The following NLRP1 variants were observed in gnomAD, a reference collection of about 807,000 sequenced individuals.
NLRP1 encodes the protein NLR family pyrin domain containing 1.
Under a neutral mutation model 136.7 loss-of-function variants are expected in NLRP1, and 94 were observed. The observed-to-expected ratio is 0.69, with a 90% CI of 0.58 to 0.82. The LOEUF (loss-of-function observed/expected upper bound fraction) is 0.82. Among genes scored for constraint, NLRP1 ranks in the 40% least tolerant of loss-of-function variants. NLRP1 has a pLI of 0.00. For synonymous variants in NLRP1, 690 were observed against 725.1 expected (o/e 0.95, Z 0.78); for missense variants, 1,575 against 1,802.7 (o/e 0.87, Z 2.29).
At position 5,515,456 on chromosome 17, in the gene NLRP1, T is replaced by C. The variant is rs370771861; in HGVS notation, c.4102+17A>G. The C allele has an allele frequency of 3.0e-5, 49 of 1,606,910 alleles. No individual in the cohort carries two copies. Among genetic ancestry groups the C allele is most frequent in the Non-Finnish European group, 4.0e-5 (47 of 1,173,626 alleles). On this transcript the variant is annotated intron_variant, in intron 16 of 16. Transcript: ENST00000572272. The stretch of plus-strand genomic sequence containing the variant: ...AACTGCCACCGCCTCCTGTGGTCTC[T>C]GAGAGCTGTTACTGACCTATGCGGG...
Position 5,584,008 on chromosome 17 carries a change from G to C in NLRP1, c.-51C>G. 6.4e-7 allele frequency: 1 copy of C among 1,563,878 alleles called. No individual in the cohort carries two copies. Among genetic ancestry groups the C allele is most frequent in the Non-Finnish European group, 8.7e-7 (1 of 1,150,316 alleles). ...CTGGGGGATGTTCCCAGGTGGTGAG[G>C]GTATCAGGCAGGCAGAGAACAGTGC... On this transcript the variant is annotated 5_prime_UTR_variant, in exon 1 of 17. Transcript: ENST00000572272.
chr17:5,579,471 A>G (rs1905351970), intron 3 of NLRP1, among the ~76,000 whole-genome samples: 1 of 152,196 alleles, frequency 6.6e-6, no homozygotes, highest in Middle Eastern at 3.2e-3. Context: ...GAGAAACAGG[A>G]ACACTTATAC....
At chr17:5,550,580 T>TA (rs1206459523) in intron 5 of NLRP1, among the ~76,000 whole-genome samples, 1 of 152,186 alleles carries the variant, frequency 6.6e-6, no homozygotes, top group African/African-American at 2.4e-5. Context: ...TGAATCTTCT[T>TA]ACATTTTAGT....
Position 5,517,733 on chromosome 17 carries a change from G to T in NLRP1, c.4057+13C>A. 3 of 1,613,962 alleles carry T rather than the reference G, an allele frequency of 1.9e-6. No individual in the cohort carries two copies. The South Asian group carries it at 3.3e-5, about 18-fold the overall frequency. On this transcript the variant is annotated intron_variant, in intron 15 of 16. Transcript: ENST00000572272. Reference sequence around the variant, plus strand: ...TCCCACCTCTGAGTTCTCTGGAATTGTCCTGGATTTACCTGGTTTCACCAA... The same window carrying T: ...TCCCACCTCTGAGTTCTCTGGAATTTTCCTGGATTTACCTGGTTTCACCAA...
chr17:5,565,435 G>T (rs1002994482), intron 3 of NLRP1, among the ~76,000 whole-genome samples: 2 of 152,154 alleles, frequency 1.3e-5, no homozygotes, highest in Non-Finnish European at 2.9e-5. Flanking sequence ...TCTGTGGGTT[G>T]TCTCTTCACT....
intron 15 of NLRP1, chr17:5,503,900 A>G (rs1907212088): frequency 6.6e-6 from 1 of 152,152 alleles, no homozygotes; most frequent in Non-Finnish European, 1.5e-5. Context: ...CCCAGAGTAC[A>G]TACCCCTCTC....
intron 3 of NLRP1, among the ~76,000 whole-genome samples, chr17:5,565,361 C>T (rs898141178): frequency 6.6e-5 from 10 of 152,108 alleles, no homozygotes; most frequent in Admixed American, 2.6e-4. Flanking sequence ...GTCATTTGAG[C>T]TCCTTATATA....
chr17:5,515,560 A>T (rs1309534862), intron 15 of NLRP1, 43 bp from the exon 16 acceptor site: 1 of 1,478,408 alleles, frequency 6.8e-7, no homozygotes, highest in African/African-American at 1.4e-5. Context: ...AACAGTGCTA[A>T]GTTATTAACA....
Position 5,532,858 on chromosome 17 carries a change from G to A in NLRP1, c.3260C>T (p.Ala1087Val), listed in dbSNP as rs768175977. The A allele has an allele frequency of 6.2e-7, 1 of 1,610,372 alleles. No individual in the cohort carries two copies. Among genetic ancestry groups the A allele is most frequent in the East Asian group, 2.2e-5 (1 of 44,640 alleles). Residue 1087 changes from alanine to valine, a missense_variant, in exon 11 of 17, where the codon GCT (alanine) becomes GTT (valine). Physicochemically the swap from Ala to Val is moderately conservative, Grantham distance 64. Transcript: ENST00000572272. ...CTTTTCTTTGTCAACTACCTCAGTA[G>A]CCACAGGCCCCGTGGGGCCCCAGAA... ...DDFWGPTGPV[A>V]TEVVDKEKNL...
At chr17:5,532,508 G>T (rs756864428) in intron 11 of NLRP1, among the ~76,000 whole-genome samples, 1 of 152,214 alleles carries the variant, frequency 6.6e-6, no homozygotes, top group African/African-American at 2.4e-5. Flanking sequence ...ATAACAAAGA[G>T]GGGGAAAGTG....
rs780053090 is a variant in NLRP1 at position 5,532,978 on chromosome 17, C to A, written c.3140G>T (p.Ser1047Ile). The A allele has an allele frequency of 1.9e-6, 3 of 1,611,304 alleles. No homozygotes were observed. The highest frequency in any genetic ancestry group is 1.1e-5 in the South Asian group (1 of 90,792). Residue 1047 changes from serine to isoleucine, a missense_variant, in exon 11 of 17, where the codon AGC becomes ATC. Physicochemically the swap from Ser to Ile is moderately radical, Grantham distance 142 (BLOSUM62 -2). Transcript: ENST00000572272. ...TTCCACCGGTACTACCTCTGGGGAG[C>A]TTTCCTCTGAAACAGCAAGGCAGCG... ...IFPIAEIAEE[S>I]SPEVVPVELL...
At chr17:5,567,833 C>T (rs1915494714) in intron 3 of NLRP1, among the ~76,000 whole-genome samples, 1 of 152,064 alleles carries the variant, frequency 6.6e-6, no homozygotes, top group South Asian at 2.1e-4. Context: ...ACCAGATATA[C>T]TATTTAGGGT....
At chr17:5,531,249 T>G (rs1188636303) in intron 11 of NLRP1, among the ~76,000 whole-genome samples, 2 of 151,860 alleles carry the variant, frequency 1.3e-5, no homozygotes, top group African/African-American at 4.8e-5. Flanking sequence ...ATGGTCTCAC[T>G]CTGTTGCCCA....
At chr17:5,501,846 G>A (rs1390564514) in exon 16 of NLRP1, 1 of 1,613,846 alleles carries the variant, frequency 6.2e-7, no homozygotes, top group East Asian at 2.2e-5. Flanking sequence ...TTGCACCTGA[G>A]GTTCCACGGC....
In NLRP1 at chr17:5,583,778, CT is replaced by C. The variant is rs1567676034; in HGVS notation, c.179del (p.Gln60ArgfsTer10). ...GGTCCCAGGCCCGCTGCTCCCCATA[CT>C]GAGCCACCAGGTACGAGGCCACCTC... ...GMEVASYLVA[Q>X]YGEQRAWDLA... On this transcript the variant is annotated frameshift_variant, in exon 1 of 17. Transcript: ENST00000572272. LOFTEE classifies it high-confidence loss of function. The surrounding 1 kb of genome is among the most constrained non-coding windows in gnomAD (Gnocchi z 4.5). 6.4e-7 allele frequency: 1 copy of C among 1,554,736 alleles called. No homozygotes were observed. The highest frequency in any genetic ancestry group is 1.2e-5 in the South Asian group (1 of 84,380).
At position 5,536,843 on chromosome 17, in the gene NLRP1, C is replaced by T; in HGVS notation, c.2960+8G>A. On this transcript the variant is annotated splice_region_variant and intron_variant, in intron 8 of 16. Coordinates refer to ENST00000572272, the MANE Select transcript of NLRP1 (RefSeq NM_033004.4). ...GTCAGCCAGAGGGAGTTCTGGGTCC[C>T]CCCTTACCGTCTGCTGAAGATGAGC... The T allele has an allele frequency of 6.2e-7, 1 of 1,603,152 alleles. No homozygotes were observed.
rs1382147181 is a variant in NLRP1 at position 5,559,570 on chromosome 17, T to C, written c.1126A>G (p.Lys376Glu). Residue 376 changes from lysine (K) to glutamate (E), a missense_variant, in exon 4 of 17, where the codon AAG becomes GAG. Coordinates refer to ENST00000572272, the MANE Select transcript of NLRP1 (RefSeq NM_033004.4). The stretch of plus-strand genomic sequence containing the variant: ...ATGAGCTCAGCGAGACTCACCACCT[T>C]GGACTGGGCCAGCTCTCTGCAGCTG... ...YFSCRELAQS[K>E]VVSLAELIGK... 4 of 1,614,202 alleles carry C rather than the reference T, an allele frequency of 2.5e-6. No individual in the cohort carries two copies. In the East Asian group the frequency reaches 6.7e-5, roughly 27 times the overall value.
At chr17:5,511,339 G>A (rs1907612210), downstream of NLRP1, among the ~76,000 whole-genome samples, 1 of 151,914 alleles carries the variant, frequency 6.6e-6, no homozygotes, top group African/African-American at 2.4e-5. Flanking sequence ...GGCTGAGGCA[G>A]GAGAATCGTT....
intron 3 of NLRP1, among the ~76,000 whole-genome samples, chr17:5,561,733 G>A (rs891630736): frequency 2.3e-5 from 1 of 43,038 alleles, no homozygotes; most frequent in South Asian, 6.4e-4. Flanking sequence ...GTGAGCCACC[G>A]CGCCCGGCCC....
Sources: allele counts gnomAD v4.1 joint callset (sites outside exome capture counted in the v4.1 genomes callset), GRCh38; gene constraint gnomAD v4.1.1; non-coding constraint Gnocchi (gnomAD v3.1); transcripts MANE v1.5; gene names NCBI Gene and HGNC (gene_info 2026-07-23, HGNC 2026-07-21).